Variants in ZNF142 observed in about 807,000 individuals in gnomAD.
ZNF142 encodes zinc finger protein 142 (clone pHZ-49).
In ZNF142, 96 loss-of-function variants were observed where a neutral mutation model predicts 132.1. The observed-to-expected ratio is 0.73, with a 90% CI of 0.62 to 0.86. ZNF142 has a LOEUF of 0.86. Ranked by LOEUF, ZNF142 falls within the 40% of genes least tolerant of loss-of-function variation. The pLI, the probability that ZNF142 is intolerant of heterozygous loss-of-function variation, is 0.00. For synonymous variants in ZNF142, 842 were observed against 890.1 expected (o/e 0.95, Z 0.96); for missense variants, 2,163 against 2,336.2 (o/e 0.93, Z 1.53).
chr2:218,654,303 A>G (rs1575085094), intron 4 of ZNF142, among the ~76,000 whole-genome samples: 2 of 152,026 alleles, frequency 1.3e-5, no homozygotes, highest in Non-Finnish European at 2.9e-5. Flanking sequence ...GCTGTAACAT[A>G]GTGTTTCCTA....
chr2:218,644,867 C>T lies in ZNF142; in HGVS notation c.2249G>A (p.Ser750Asn), dbSNP rs1412003571. The T allele has an allele frequency of 1.2e-6, 2 of 1,613,970 alleles. No homozygotes were observed. The highest frequency in any genetic ancestry group is 1.7e-6 in the Non-Finnish European group (2 of 1,179,974). ...AGCCTGCTTGTGGCGGCTCTGGTAACTGCAGTAGTGGCAAGGGTAGAGTGG... is the reference window on the plus strand; with the variant it reads ...AGCCTGCTTGTGGCGGCTCTGGTAATTGCAGTAGTGGCAAGGGTAGAGTGG... ...PAPLYPCHYC[S>N]YQSRHKQAVL... The change falls in exon 9 of 11, where the codon AGT becomes AAT. Residue 750 changes from serine to asparagine, a missense_variant. Around this residue, in one of 7 missense-constraint regions of ZNF142, gnomAD observed 749 missense variants for 830.3 expected, o/e 0.90. Coordinates refer to ENST00000411696, the MANE Select transcript of ZNF142 (RefSeq NM_001379659.1). This position sits in a 1 kb window ranked among gnomAD's most constrained non-coding sequence, Gnocchi z 4.6.
intron 8 of ZNF142, among the ~76,000 whole-genome samples, chr2:218,645,794 A>G (rs1318060486): frequency 1.3e-5 from 2 of 151,998 alleles, no homozygotes; most frequent in Admixed American, 1.3e-4. Context: ...ACAGAGTCTT[A>G]CTCTGTCACC....
intron 7 of ZNF142, among the ~76,000 whole-genome samples, chr2:218,648,392 C>T (rs750587246): frequency 1.3e-5 from 2 of 152,212 alleles, no homozygotes; most frequent in South Asian, 2.1e-4. Context: ...GGCTTAAGAG[C>T]GAGGCACAGC....
At position 218,637,761 on chromosome 2, in the gene ZNF142, A is replaced by G. The variant is rs909091348; in HGVS notation, c.*578T>C. On this transcript the variant is annotated 3_prime_UTR_variant, in exon 11 of 11. Coordinates refer to ENST00000411696, the MANE Select transcript of ZNF142 (RefSeq NM_001379659.1). The stretch of plus-strand genomic sequence containing the variant: ...GGGTCAAGATGGCTCAAGGACAGGG[A>G]GAAGGCAGACCTAGGCCTGTTTCAG... Among the ~76,000 whole-genome samples the G allele has an allele frequency of 6.6e-6, 1 of 152,206 alleles. No homozygotes were observed. The highest frequency in any genetic ancestry group is 2.4e-5 in the African/African-American group (1 of 41,468).
In ZNF142 at chr2:218,644,114, TCTGA is replaced by T; in HGVS notation, c.2998_3001del (p.Glu1001HisfsTer6). The T allele has an allele frequency of 6.2e-7, 1 of 1,614,066 alleles. No individual in the cohort carries two copies. Among genetic ancestry groups the T allele is most frequent in the Non-Finnish European group, 8.5e-7 (1 of 1,179,988 alleles). On this transcript the variant is annotated frameshift_variant, in exon 9 of 11. Transcript: ENST00000411696. LOFTEE classifies it high-confidence loss of function. This position sits in a 1 kb window ranked among gnomAD's most constrained non-coding sequence, Gnocchi z 4.6. ...TCTCCTTAGGGCCTTGAGTAATGAC[TCTGA>T]CTCAGGTAATGGGGGCAAGGGTGCT...
rs373871812 is a variant in ZNF142, at chr2:218,634,444, C to T, written c.*3895G>A. The T allele has an allele frequency of 5.2e-5, 84 of 1,607,646 alleles. No homozygotes were observed. The highest frequency in any genetic ancestry group is 6.9e-5 in the Non-Finnish European group (81 of 1,177,080). On this transcript the variant is annotated 3_prime_UTR_variant, in exon 11 of 11. Coordinates refer to ENST00000411696, the MANE Select transcript of ZNF142 (RefSeq NM_001379659.1). The surrounding 1 kb of genome is among the most constrained non-coding windows in gnomAD (Gnocchi z 4.0). ...ATGGTGAATCTTGCTCTTCTTTTCT[C>T]CTGGGGCCCTCAGTGGCCATGAATA...
In ZNF142 at chr2:218,634,206, G is replaced by A; in HGVS notation, c.*4133C>T. On this transcript the variant is annotated 3_prime_UTR_variant, in exon 11 of 11. Transcript: ENST00000411696. This position sits in a 1 kb window ranked among gnomAD's most constrained non-coding sequence, Gnocchi z 4.0. ...CTACAACCCCCAGGAACTCTGGAAT[G>A]CAGGCTGCCAGATGGGTGAGGAGGC... The A allele has an allele frequency of 1.2e-6, 2 of 1,610,790 alleles. No homozygotes were observed. Among genetic ancestry groups the A allele is most frequent in the Non-Finnish European group, 1.7e-6 (2 of 1,178,470 alleles).
chr2:218,636,705 A>G lies in ZNF142; in HGVS notation c.*1634T>C. ...TGGATTGTGCATTCCTAGGCACAAA[A>G]TTACCTCATTCTTCCTAACAAGCAA... is the stretch of plus-strand genomic sequence containing the variant. On this transcript the variant is annotated 3_prime_UTR_variant, in exon 11 of 11. Transcript: ENST00000411696. 9 of 979,810 alleles carry G rather than the reference A, an allele frequency of 9.2e-6. No homozygotes were observed. Among genetic ancestry groups the G allele is most frequent in the Non-Finnish European group, 1.4e-5 (9 of 651,066 alleles). The allele number at this position is 979,810 out of a possible 1,614,324, so 60.7% of individuals were successfully genotyped here. A position where few individuals can be genotyped will look rare whatever the true frequency, so the allele number is the denominator to read the frequency against.
chr2:218,640,667 T>C lies in ZNF142; in HGVS notation c.5191A>G (p.Thr1731Ala). Residue 1731 changes from threonine to alanine, a missense_variant, in exon 10 of 11, where the codon ACA becomes GCA. This residue lies in a region of ZNF142 where 325 missense variants were observed against 367.8 expected (regional missense o/e 0.88). Transcript: ENST00000411696. ...TGTCGAAACCACACAGACTCACCTG[T>C]ATGCTTGGTCATGTGGTATTTCAGC... is the stretch of plus-strand genomic sequence containing the variant. Reference protein sequence around the residue: ...NQLKYHMTKHTGLKPYQCPEC... With the variant: ...NQLKYHMTKHAGLKPYQCPEC... The C allele has an allele frequency of 6.2e-7, 1 of 1,614,088 alleles. No individual in the cohort carries two copies. Among genetic ancestry groups the C allele is most frequent in the South Asian group, 1.1e-5 (1 of 91,072 alleles).
In ZNF142 at chr2:218,644,090, C is replaced by T; in HGVS notation, c.3026G>A (p.Arg1009Lys). 6.2e-7 allele frequency: 1 copy of T among 1,614,084 alleles called. No homozygotes were observed. Among genetic ancestry groups the T allele is most frequent in the Non-Finnish European group, 8.5e-7 (1 of 1,180,010 alleles). Residue 1009 changes from arginine to lysine, a missense_variant, in exon 9 of 11, where the codon AGA becomes AAA. Transcript: ENST00000411696. This position sits in a 1 kb window ranked among gnomAD's most constrained non-coding sequence, Gnocchi z 4.6. ...TGCCTCTGCTTGTTCTTTGTCCTGT[C>T]TCCTTAGGGCCTTGAGTAATGACTC... Reference protein sequence around the residue: ...ESESLLKALRRQDKEQAEALV... With the variant: ...ESESLLKALRKQDKEQAEALV...
In ZNF142 at chr2:218,635,329, C is replaced by T. The variant is rs1395581133; in HGVS notation, c.*3010G>A. ...TACTTTCAAACTGTTGAATTTCTAC[C>T]TGGATCCATTTAATTTATTTGTTTA... On this transcript the variant is annotated 3_prime_UTR_variant, in exon 11 of 11. Coordinates refer to ENST00000411696, the MANE Select transcript of ZNF142 (RefSeq NM_001379659.1). Among the ~76,000 whole-genome samples, 1 of 151,904 alleles carries T rather than the reference C, an allele frequency of 6.6e-6. No individual in the cohort carries two copies. Among genetic ancestry groups the T allele is most frequent in the Non-Finnish European group, 1.5e-5 (1 of 67,972 alleles).
rs757859231 is a variant in ZNF142 at position 218,635,830 on chromosome 2, A to G, written c.*2509T>C. 1.9e-6 allele frequency: 3 copies of G among 1,613,710 alleles called. No homozygotes were observed. The highest frequency in any genetic ancestry group is 2.2e-5 in the East Asian group (1 of 44,892). On this transcript the variant is annotated 3_prime_UTR_variant, in exon 11 of 11. Coordinates refer to ENST00000411696, the MANE Select transcript of ZNF142 (RefSeq NM_001379659.1). The stretch of plus-strand genomic sequence containing the variant: ...GGTCAGCAACTCCCCAAAGTGGACA[A>G]GACCAAAGAGGGGTCCATTGTGGAT...
Position 218,649,134 on chromosome 2 carries a change from G to C in ZNF142, c.1374C>G (p.Cys458Trp), listed in dbSNP as rs201885761. The change falls in exon 7 of 11, where the codon TGC becomes TGG. Residue 458 changes from cysteine (C) to tryptophan (W), a missense_variant. Around this residue, in one of 7 missense-constraint regions of ZNF142, gnomAD observed 749 missense variants for 830.3 expected, o/e 0.90. Transcript: ENST00000411696. ...CCTGGCTGAGGCGGAATTCCTCACGGCAGACAGGACAGGCATAGGTGTCTG... is the reference window on the plus strand; with the variant it reads ...CCTGGCTGAGGCGGAATTCCTCACGCCAGACAGGACAGGCATAGGTGTCTG... ...FYSDTYACPV[C>W]REEFRLSQAL... is the part of the protein sequence containing the mutation. 85 of 1,614,018 alleles carry C rather than the reference G, an allele frequency of 5.3e-5. No homozygotes were observed. The highest frequency in any genetic ancestry group is 6.9e-5 in the Non-Finnish European group (81 of 1,180,054).
In ZNF142 at chr2:218,643,911, G is replaced by C. The variant is rs1697492729; in HGVS notation, c.3205C>G (p.Pro1069Ala). The C allele has an allele frequency of 6.2e-7, 1 of 1,614,146 alleles. No homozygotes were observed. Among genetic ancestry groups the C allele is most frequent in the Non-Finnish European group, 8.5e-7 (1 of 1,180,018 alleles). Residue 1069 changes from proline to alanine, a missense_variant, in exon 9 of 11, where the codon CCC becomes GCC. Pro to Ala is a conservative substitution (Grantham distance 27). Coordinates refer to ENST00000411696, the MANE Select transcript of ZNF142 (RefSeq NM_001379659.1). The stretch of plus-strand genomic sequence containing the variant: ...TGCTTGAAGCTAGCCCCACACTCGG[G>C]GCACAGCAGGGGCTCTCGGCGGCCT... ...CQGRREPLLC[P>A]ECGASFKQQR...
At position 218,656,479 on chromosome 2, in the gene ZNF142, G is replaced by A. The variant is rs1938514782; in HGVS notation, c.-34-16C>T. On this transcript the variant is annotated splice_polypyrimidine_tract_variant and intron_variant, in intron 3 of 10. Transcript: ENST00000411696. ...TTCTTAAATGCTGACAAGCCAACCA[G>A]AAGAAAAACAAAGTAAGGTTAGAGT... The A allele has an allele frequency of 7.0e-7, 1 of 1,421,704 alleles. No homozygotes were observed. The highest frequency in any genetic ancestry group is 1.9e-5 in the South Asian group (1 of 53,496). The allele number at this position is 1,421,704 out of a possible 1,614,324, so 88.1% of individuals were successfully genotyped here.
Position 218,634,236 on chromosome 2 carries a change from G to T in ZNF142, c.*4103C>A. On this transcript the variant is annotated 3_prime_UTR_variant, in exon 11 of 11. Coordinates refer to ENST00000411696, the MANE Select transcript of ZNF142 (RefSeq NM_001379659.1). The surrounding 1 kb of genome is among the most constrained non-coding windows in gnomAD (Gnocchi z 4.0). ...CTGCCAGATGGGTGAGGAGGCAGCA[G>T]GGACTGGGAAGAGGGAGTGGAGGAG... The T allele has an allele frequency of 6.2e-7, 1 of 1,602,538 alleles. No individual in the cohort carries two copies. The highest frequency in any genetic ancestry group is 2.2e-5 in the East Asian group (1 of 44,472).
At chr2:218,647,162 G>A (rs1235062105) in intron 7 of ZNF142, among the ~76,000 whole-genome samples, 1 of 151,888 alleles carries the variant, frequency 6.6e-6, no homozygotes, top group African/African-American at 2.4e-5. Flanking sequence ...GGTGGCTCAC[G>A]CCTGTAATCC....
chr2:218,643,390 G>A lies in ZNF142; in HGVS notation c.3726C>T (p.Thr1242=), dbSNP rs764191966. 5 of 1,614,216 alleles carry A rather than the reference G, an allele frequency of 3.1e-6. 1 individual carries two copies. The highest frequency in any genetic ancestry group is 1.1e-5 in the South Asian group (1 of 91,084). The stretch of plus-strand genomic sequence containing the variant: ...CCCTGCAGCCTTCAGCCACGTGAGA[G>A]GTAATAGAGGAGAGCCGGGAACAAA... ...PFLCSRLSSI[T]SHVAEGCRGG... The change falls in exon 9 of 11, where the codon ACC becomes ACT. Residue 1242 remains threonine (T), a synonymous_variant. Transcript: ENST00000411696.
At chr2:218,651,632 C>A (rs1277690583) in intron 5 of ZNF142, 69 bp downstream of exon 5, 1 of 1,202,010 alleles carries the variant, frequency 8.3e-7, no homozygotes, top group African/African-American at 1.6e-5. Flanking sequence ...TTGGAAACAA[C>A]TGCCTCTCCT....
Sources: gnomAD v4.1 joint callset for allele counts (sites outside exome capture counted in the v4.1 genomes callset) on GRCh38, gnomAD v4.1.1 for gene constraint, gnomAD v4.1.1 regional missense constraint, Gnocchi (gnomAD v3.1) non-coding constraint, MANE v1.5 for transcripts, NCBI Gene and HGNC (gene_info 2026-07-23, HGNC 2026-07-21) for gene names.